PDGFD: variants seen among roughly 807,000 people sequenced by gnomAD.
PDGFD encodes platelet-derived growth factor D.
A neutral mutation model predicts 44.7 loss-of-function variants in PDGFD; 30 were observed. The ratio of observed to expected loss-of-function variants is 0.67; its 90% CI spans 0.50 to 0.91. The LOEUF (loss-of-function observed/expected upper bound fraction) is 0.91. PDGFD is among the 40% of genes least tolerant of loss of function. The pLI is 0.00. For missense variants in PDGFD, 445 were observed against 457.8 expected (o/e 0.97, Z 0.25); for synonymous variants, 173 against 168.4 (o/e 1.03, Z -0.21).
chr11:104,055,231 G>A (rs905691078), intron 1 of PDGFD, among the ~76,000 whole-genome samples: 2 of 152,160 alleles, frequency 1.3e-5, no homozygotes, highest in Non-Finnish European at 2.9e-5. Context: ...TGGAAGGAGC[G>A]CAGATGTGTT....
chr11:103,916,472 A>G (rs6591059), intron 6 of PDGFD, among the ~76,000 whole-genome samples: 69,946 of 151,984 alleles, frequency 0.46, 16,212 homozygotes, highest in African/African-American at 0.49. Flanking sequence ...AAATAGGAAC[A>G]CTTTTCCACT....
chr11:103,957,971 G>C (rs11226090), intron 3 of PDGFD, among the ~76,000 whole-genome samples: 2,247 of 152,026 alleles, frequency 0.015, 53 homozygotes, highest in African/African-American at 0.052. Context: ...TTTACACCTA[G>C]AGAAATACTA....
intron 1 of PDGFD, among the ~76,000 whole-genome samples, chr11:104,156,160 A>G (rs1862304768): frequency 6.6e-6 from 1 of 152,192 alleles, no homozygotes; most frequent in Non-Finnish European, 1.5e-5. Flanking sequence ...TGATATATAT[A>G]TACAATTTTT....
chr11:104,121,577 A>G (rs1861779207), intron 1 of PDGFD, among the ~76,000 whole-genome samples: 1 of 152,092 alleles, frequency 6.6e-6, no homozygotes, highest in Non-Finnish European at 1.5e-5. Context: ...AATAATAAAA[A>G]AGAAAAACCT....
At chr11:103,920,103 G>A (rs1858190433) in intron 6 of PDGFD, among the ~76,000 whole-genome samples, 1 of 152,158 alleles carries the variant, frequency 6.6e-6, no homozygotes, top group African/African-American at 2.4e-5. Flanking sequence ...CCAAGACACA[G>A]TACTCAGTTA....
intron 1 of PDGFD, among the ~76,000 whole-genome samples, chr11:104,101,324 C>A (rs1861375955): frequency 1.3e-5 from 2 of 151,806 alleles, no homozygotes; most frequent in African/African-American, 4.8e-5. Flanking sequence ...ACACAGAGAG[C>A]CAAATCATGA....
intron 1 of PDGFD, among the ~76,000 whole-genome samples, chr11:104,125,299 G>GT (rs1861825756): frequency 1.3e-5 from 2 of 151,938 alleles, no homozygotes; most frequent in African/African-American, 2.4e-5. Context: ...CTAAATTTAA[G>GT]TATCTTTATC....
At chr11:104,115,680 C>T (rs560486238) in intron 1 of PDGFD, among the ~76,000 whole-genome samples, 9 of 151,002 alleles carry the variant, frequency 6.0e-5, no homozygotes, top group Non-Finnish European at 1.2e-4. Flanking sequence ...CCCTGTCCAC[C>T]GCATCCACAC....
chr11:103,913,134 C>T (rs1858057551), intron 6 of PDGFD, among the ~76,000 whole-genome samples: 1 of 151,984 alleles, frequency 6.6e-6, no homozygotes, highest in Admixed American at 6.6e-5. Flanking sequence ...TTGAACTGAG[C>T]TCTGGACCAA....
At chr11:104,032,894 A>G (rs980192817) in intron 1 of PDGFD, among the ~76,000 whole-genome samples, 5 of 152,046 alleles carry the variant, frequency 3.3e-5, no homozygotes, top group Non-Finnish European at 7.4e-5. Context: ...TTACTAAGGG[A>G]GAAAAGTAAG....
intron 3 of PDGFD, among the ~76,000 whole-genome samples, chr11:103,974,527 G>A (rs1859153047): frequency 6.6e-6 from 1 of 152,072 alleles, no homozygotes; most frequent in South Asian, 2.1e-4. Context: ...TTGTTTCATA[G>A]GTATACACGT....
intron 1 of PDGFD, among the ~76,000 whole-genome samples, chr11:104,016,456 G>T (rs1340109223): frequency 2.0e-5 from 3 of 152,146 alleles, no homozygotes; most frequent in Admixed American, 6.5e-5. Flanking sequence ...GCAGAATCTG[G>T]GCATATTCTC....
intron 6 of PDGFD, among the ~76,000 whole-genome samples, chr11:103,924,838 A>C (rs1434049533): frequency 6.6e-6 from 1 of 152,134 alleles, no homozygotes; most frequent in Non-Finnish European, 1.5e-5. Context: ...TTATACTTTA[A>C]GTTGTGGGAT....
At chr11:103,962,281 C>T (rs1024196770) in intron 3 of PDGFD, among the ~76,000 whole-genome samples, 4 of 152,140 alleles carry the variant, frequency 2.6e-5, no homozygotes, top group African/African-American at 9.7e-5. Context: ...CAGCAGGGTA[C>T]AAAATTACCT....
Position 104,017,851 on chromosome 11 carries a change from A to G in PDGFD, c.125-17596T>C, listed in dbSNP as rs922771858. Among the ~76,000 whole-genome samples the G allele has an allele frequency of 3.9e-5, 6 of 152,342 alleles. No homozygotes were observed. The East Asian group carries it at 5.8e-4, about 15-fold the overall frequency. On this transcript the variant is annotated intron_variant, in intron 1 of 6. Transcript: ENST00000393158. ...GCGATGTTTAATTTTTAAGAGCACC[A>G]TCGATAAGATCCTTGGCATCTGCTA...
intron 6 of PDGFD, among the ~76,000 whole-genome samples, chr11:103,914,934 G>A (rs973740558): frequency 1.3e-5 from 2 of 152,074 alleles, no homozygotes; most frequent in Admixed American, 6.6e-5. Context: ...ACTAGGTATC[G>A]ATGGAATGTA....
At chr11:103,939,411 C>T (rs1189680846) in intron 5 of PDGFD, among the ~76,000 whole-genome samples, 1 of 152,022 alleles carries the variant, frequency 6.6e-6, no homozygotes, top group Non-Finnish European at 1.5e-5. Flanking sequence ...ATTTTGTATC[C>T]TGAGACTTTG....
chr11:104,158,424 A>AT (rs1862339121), intron 1 of PDGFD, among the ~76,000 whole-genome samples: 1 of 152,168 alleles, frequency 6.6e-6, no homozygotes, highest in African/African-American at 2.4e-5. Flanking sequence ...GTTTGTCTAT[A>AT]TTGTCCACTA....
intron 1 of PDGFD, among the ~76,000 whole-genome samples, chr11:104,099,711 C>T (rs999756212): frequency 1.3e-5 from 2 of 150,576 alleles, no homozygotes; most frequent in African/African-American, 4.9e-5. Flanking sequence ...TCTCATCTTC[C>T]TGCCTTGAAA....
Sources: gnomAD v4.1 joint callset for allele counts (sites outside exome capture counted in the v4.1 genomes callset) on GRCh38, gnomAD v4.1.1 for gene constraint, MANE v1.5 for transcripts, NCBI Gene and HGNC (gene_info 2026-07-23, HGNC 2026-07-21) for gene names.